Variants in PRKCE observed in about 807,000 individuals in gnomAD.
The protein encoded by PRKCE is protein kinase C epsilon.
In PRKCE, 16 loss-of-function variants were observed where a neutral mutation model predicts 85.4. That is an observed-to-expected ratio of 0.19 (90% confidence interval 0.13 to 0.28). The LOEUF is 0.28. PRKCE is among the 10% of genes least tolerant of loss of function. The probability of loss-of-function intolerance (pLI) is 1.00; values close to 1 mark genes in which losing one functional copy is unlikely to be tolerated. For missense variants in PRKCE, 573 were observed against 975.2 expected (o/e 0.59, Z 5.49); for synonymous variants, 388 against 371.5 (o/e 1.04, Z -0.51).
chr2:45,812,322 C>A (rs1256489425), intron 1 of PRKCE, among the ~76,000 whole-genome samples: 1 of 152,206 alleles, frequency 6.6e-6, no homozygotes, highest in East Asian at 1.9e-4. Context: ...ACGGGAAATT[C>A]TATCCTAGGC....
chr2:45,884,991 A>AT (rs1323692604), intron 2 of PRKCE, among the ~76,000 whole-genome samples: 1 of 57,758 alleles, frequency 1.7e-5, no homozygotes, highest in Admixed American at 2.3e-4. Flanking sequence ...ATATATATAT[A>AT]TATATATATA....
intron 1 of PRKCE, among the ~76,000 whole-genome samples, chr2:45,771,122 G>T (rs1362731455): frequency 6.6e-6 from 1 of 152,150 alleles, no homozygotes; most frequent in Non-Finnish European, 1.5e-5. Context: ...GGGGAGTAGA[G>T]AATGCAGGGG....
At chr2:45,853,937 C>A (rs1207008261) in intron 2 of PRKCE, among the ~76,000 whole-genome samples, 1 of 152,216 alleles carries the variant, frequency 6.6e-6, no homozygotes, top group Non-Finnish European at 1.5e-5. Context: ...CTTCTTTATT[C>A]TCAAGTTTGC....
intron 10 of PRKCE, among the ~76,000 whole-genome samples, chr2:46,023,204 G>T (rs1228227937): frequency 6.6e-6 from 1 of 151,786 alleles, no homozygotes; most frequent in African/African-American, 2.4e-5. Flanking sequence ...TTGGCCAACT[G>T]TTTGTGAAAC....
At chr2:45,897,084 A>G (rs1696205322) in intron 2 of PRKCE, among the ~76,000 whole-genome samples, 1 of 152,236 alleles carries the variant, frequency 6.6e-6, no homozygotes, top group Non-Finnish European at 1.5e-5. Flanking sequence ...TCTCTTAAAA[A>G]AAGAAAATTA....
intron 11 of PRKCE, among the ~76,000 whole-genome samples, chr2:46,105,052 C>G (rs763232706): frequency 5.9e-5 from 9 of 151,536 alleles, no homozygotes; most frequent in Non-Finnish European, 1.3e-4. Context: ...GCACTTTTGC[C>G]TGCATCAAAA....
At chr2:45,884,197 T>A (rs1020026206) in intron 2 of PRKCE, among the ~76,000 whole-genome samples, 1 of 151,800 alleles carries the variant, frequency 6.6e-6, no homozygotes, top group African/African-American at 2.4e-5. Context: ...AGCCAGGAGG[T>A]GGGGTGAGAG....
chr2:46,168,155 C>G (rs1442840820), intron 14 of PRKCE, among the ~76,000 whole-genome samples: 1 of 152,134 alleles, frequency 6.6e-6, no homozygotes, highest in Non-Finnish European at 1.5e-5. Flanking sequence ...AGTGTGAGGC[C>G]TGGGCTGGCC....
intron 2 of PRKCE, among the ~76,000 whole-genome samples, chr2:45,848,310 ATTTT>A (rs11378500): frequency 6.7e-6 from 1 of 150,344 alleles, no homozygotes; most frequent in Admixed American, 6.6e-5. Flanking sequence ...TTAGCAATTC[ATTTT>A]TTTTTTCTTT....
intron 11 of PRKCE, among the ~76,000 whole-genome samples, chr2:46,102,436 G>T (rs908751638): frequency 2.0e-5 from 3 of 152,126 alleles, no homozygotes; most frequent in African/African-American, 7.2e-5. Context: ...TTACAGAATA[G>T]TTGCAAAGAT....
chr2:45,867,327 C>T (rs147140197), intron 2 of PRKCE, among the ~76,000 whole-genome samples: 4 of 152,288 alleles, frequency 2.6e-5, no homozygotes, highest in Admixed American at 6.5e-5. Flanking sequence ...CAATTAAATT[C>T]GAACTTGAGA....
chr2:45,661,654 G>C (rs1456389545), intron 1 of PRKCE, among the ~76,000 whole-genome samples: 1 of 146,980 alleles, frequency 6.8e-6, no homozygotes, highest in African/African-American at 2.5e-5. Flanking sequence ...TCAGCCTCCC[G>C]AGTAGCTGGG....
In PRKCE at chr2:46,001,627, T is replaced by A; in HGVS notation, c.966+81T>A. 1 of 1,443,502 alleles carries A rather than the reference T, an allele frequency of 6.9e-7. No individual in the cohort carries two copies. The highest frequency in any genetic ancestry group is 9.2e-7 in the Non-Finnish European group (1 of 1,082,010). 89.4% of individuals were successfully genotyped at this position (1,443,502 alleles called of 1,614,324 possible). ...CTGACTTCCAGAGGGTGCTCTGGAG[T>A]GAGGTAATAAGATTCCTGGGTTTGA... On this transcript the variant is annotated intron_variant, in intron 7 of 14. Transcript: ENST00000306156. The surrounding 1 kb of genome is among the most constrained non-coding windows in gnomAD (Gnocchi z 4.4).
intron 2 of PRKCE, among the ~76,000 whole-genome samples, chr2:45,866,926 A>G (rs1573668170): frequency 6.6e-6 from 1 of 152,308 alleles, no homozygotes; most frequent in Non-Finnish European, 1.5e-5. Flanking sequence ...CTTGGGGTTC[A>G]TTATCCTTTA....
At chr2:45,689,396 A>AC (rs777478626) in intron 1 of PRKCE, among the ~76,000 whole-genome samples, 78 of 151,972 alleles carry the variant, frequency 5.1e-4, no homozygotes, top group Non-Finnish European at 1.3e-4. Flanking sequence ...GCCTCCCACG[A>AC]CCCCCAATCC....
At chr2:45,725,050 T>C (rs1260845143) in intron 1 of PRKCE, among the ~76,000 whole-genome samples, 1 of 152,250 alleles carries the variant, frequency 6.6e-6, no homozygotes, top group Non-Finnish European at 1.5e-5. Flanking sequence ...AATCAATACC[T>C]GGCTTCAAAG....
At chr2:45,714,150 G>C (rs886064779) in intron 1 of PRKCE, among the ~76,000 whole-genome samples, 11 of 152,230 alleles carry the variant, frequency 7.2e-5, no homozygotes, top group African/African-American at 2.7e-4. Context: ...TTTAATGGCA[G>C]ACACGATAGG....
At chr2:45,972,712 A>G (rs995666060) in intron 2 of PRKCE, among the ~76,000 whole-genome samples, 1 of 152,260 alleles carries the variant, frequency 6.6e-6, no homozygotes, top group Non-Finnish European at 1.5e-5. Flanking sequence ...CATTTATTGA[A>G]GAGAATATCC....
At position 45,753,581 on chromosome 2, in the gene PRKCE, G is replaced by A. The variant is rs556406666; in HGVS notation, c.349-89419G>A. Among the ~76,000 whole-genome samples, 28 of 139,034 alleles carry A rather than the reference G, an allele frequency of 2.0e-4. No individual in the cohort carries two copies. The South Asian group carries it at 6.3e-3, about 31-fold the overall frequency. The allele number at this position is 139,034 out of a possible 152,430, so 91.2% of individuals were successfully genotyped here. ...TGAGCCCGCCTTGAGACTGACCCAG[G>A]TTGTTTGAGTTGTTGGTTTGCATTC... On this transcript the variant is annotated intron_variant, in intron 1 of 14. Transcript: ENST00000306156.
Sources: gnomAD v4.1 joint callset for allele counts (sites outside exome capture counted in the v4.1 genomes callset) on GRCh38, gnomAD v4.1.1 for gene constraint, Gnocchi (gnomAD v3.1) non-coding constraint, MANE v1.5 for transcripts, NCBI Gene and HGNC (gene_info 2026-07-23, HGNC 2026-07-21) for gene names.